LRIT3: variants seen among roughly 807,000 people sequenced by gnomAD.
LRIT3 encodes leucine rich repeat, Ig-like and transmembrane domains 3.
Under a neutral mutation model 22.6 loss-of-function variants are expected in LRIT3, and 14 were observed. The observed-to-expected ratio is 0.62, with a 90% CI of 0.41 to 0.97. The LOEUF (loss-of-function observed/expected upper bound fraction) is 0.97. LRIT3 is among the 50% of genes least tolerant of loss of function. The pLI, the probability that LRIT3 is intolerant of heterozygous loss-of-function variation, is 0.00. For synonymous variants in LRIT3, 306 were observed against 304.5 expected (o/e 1.01, Z -0.05); for missense variants, 783 against 803.0 (o/e 0.98, Z 0.30).
In LRIT3 at chr4:109,848,241, T is replaced by C; in HGVS notation, c.40T>C (p.Leu14=). ...ATGTCTGTGCATTGTCCTTAGCTTT[T>C]TGGAAGGAGTGGGCTGTTTGTGTCC... ...FACLCIVLSF[L]EGVGCLCPSQ... The change falls in exon 1 of 4, where the codon TTG becomes CTG. Residue 14 remains leucine (L), a synonymous_variant. Transcript: ENST00000594814. 2 of 1,232,086 alleles carry C rather than the reference T, an allele frequency of 1.6e-6. No individual in the cohort carries two copies. The highest frequency in any genetic ancestry group is 2.0e-6 in the Non-Finnish European group (2 of 987,904). 76.3% of individuals were successfully genotyped at this position (1,232,086 alleles called of 1,614,324 possible).
At chr4:109,848,412 C>A in intron 1 of LRIT3, 95 bp downstream of exon 1, 1 of 559,680 alleles carries the variant, frequency 1.8e-6, no homozygotes, top group Non-Finnish European at 2.7e-6. Context: ...GTTTGGGGAT[C>A]AGAAATCACA....
At chr4:109,859,420 A>G (rs1395185181) in intron 2 of LRIT3, among the ~76,000 whole-genome samples, 1 of 152,216 alleles carries the variant, frequency 6.6e-6, no homozygotes, top group African/African-American at 2.4e-5. Flanking sequence ...AATTTCTAAC[A>G]GAGCCTTAAA....
chr4:109,866,532 T>C (rs1294900237), intron 2 of LRIT3, among the ~76,000 whole-genome samples: 1 of 152,244 alleles, frequency 6.6e-6, no homozygotes, highest in African/African-American at 2.4e-5. Context: ...TCGATTCCTT[T>C]ATATTTAACA....
At chr4:109,852,555 T>A (rs1418843278) in intron 2 of LRIT3, among the ~76,000 whole-genome samples, 1 of 152,248 alleles carries the variant, frequency 6.6e-6, no homozygotes, top group African/African-American at 2.4e-5. Context: ...TTTTGGAATT[T>A]TGAACTTGGT....
chr4:109,861,174 G>A (rs1734535942), intron 2 of LRIT3, among the ~76,000 whole-genome samples: 1 of 152,086 alleles, frequency 6.6e-6, no homozygotes, highest in Admixed American at 6.6e-5. Flanking sequence ...TTTGAGACCA[G>A]CCTGGTCAAT....
intron 1 of LRIT3, 125 bp from the exon 2 acceptor site, chr4:109,851,379 T>G: frequency 1.4e-5 from 18 of 1,324,010 alleles, no homozygotes; most frequent in Non-Finnish European, 1.7e-5. Flanking sequence ...CCTCCCAAAG[T>G]GCTGGGATTA....
chr4:109,859,404 A>G (rs1734481688), intron 2 of LRIT3, among the ~76,000 whole-genome samples: 1 of 152,222 alleles, frequency 6.6e-6, no homozygotes. Context: ...TAGTGTGTGC[A>G]TCAGTAATTT....
chr4:109,851,444 T>G (rs1560589434), intron 1 of LRIT3, 60 bp from the exon 2 acceptor site: 2 of 1,462,030 alleles, frequency 1.4e-6, no homozygotes, highest in East Asian at 5.0e-5. Flanking sequence ...ATGAGAAGTA[T>G]TTTTTTCAAA....
At chr4:109,849,202 T>C (rs992066120) in intron 1 of LRIT3, among the ~76,000 whole-genome samples, 8 of 152,214 alleles carry the variant, frequency 5.3e-5, no homozygotes, top group African/African-American at 1.9e-4. Flanking sequence ...ATCTTGTTAT[T>C]GTATAAACTT....
At chr4:109,850,406 C>CCT (rs1734194103) in intron 1 of LRIT3, among the ~76,000 whole-genome samples, 4 of 1,474 alleles carry the variant, frequency 2.7e-3, no homozygotes, top group Admixed American at 0.013. Context: ...TTCCTTCCTT[C>CCT]CTTCCTTCCT....
At chr4:109,856,650 C>T (rs1048048353) in intron 2 of LRIT3, among the ~76,000 whole-genome samples, 7 of 152,154 alleles carry the variant, frequency 4.6e-5, no homozygotes, top group East Asian at 1.9e-4. Context: ...TATATTGGAA[C>T]GGAGCTATAC....
chr4:109,854,367 C>CTCA (rs1465577618), intron 2 of LRIT3, among the ~76,000 whole-genome samples: 1 of 152,152 alleles, frequency 6.6e-6, no homozygotes, highest in Non-Finnish European at 1.5e-5. Context: ...TGGGAATTCA[C>CTCA]TCATGATTTG....
In LRIT3 at chr4:109,867,761, G is replaced by A. The variant is rs150750727; in HGVS notation, c.710G>A (p.Arg237His). 1.1e-4 allele frequency: 178 copies of A among 1,614,114 alleles called. No individual in the cohort carries two copies. In the East Asian group the frequency reaches 1.7e-3, roughly 15 times the overall value. ...CTGATGACTTGCAGTGAACCTGAGC[G>A]CCTCACAGGAATTTTGTTTCAGCGG... ...DPLMTCSEPE[R>H]LTGILFQRAE... is the part of the protein sequence containing the mutation. Residue 237 changes from arginine to histidine, a missense_variant, in exon 3 of 4, where the codon CGC (arginine) becomes CAC (histidine). Transcript: ENST00000594814.
chr4:109,850,668 G>A (rs1734232250), intron 1 of LRIT3, among the ~76,000 whole-genome samples: 1 of 151,398 alleles, frequency 6.6e-6, no homozygotes. Context: ...GTGGAGTCGG[G>A]GTTTCGTCAT....
In LRIT3 at chr4:109,870,680, C is replaced by T; in HGVS notation, c.1931C>T (p.Thr644Ile). 1 of 1,614,094 alleles carries T rather than the reference C, an allele frequency of 6.2e-7. No individual in the cohort carries two copies. The highest frequency in any genetic ancestry group is 8.5e-7 in the Non-Finnish European group (1 of 1,179,990). The change falls in exon 4 of 4, where the codon ACA becomes ATA. Residue 644 changes from threonine (T) to isoleucine (I), a missense_variant. By Grantham distance (89) the Thr-to-Ile change is moderately conservative. This residue lies in a region of LRIT3 where 756 missense variants were observed against 753.8 expected (regional missense o/e 1.00). Coordinates refer to ENST00000594814, the MANE Select transcript of LRIT3 (RefSeq NM_198506.5). ...TCTCAAAGTGTAGGTGAGCTCTGGACACGAAGCCACAGGGATGACTCAGAG... is the reference window on the plus strand; with the variant it reads ...TCTCAAAGTGTAGGTGAGCTCTGGATACGAAGCCACAGGGATGACTCAGAG... Reference protein sequence around the residue: ...PRSQSVGELWTRSHRDDSEKL... With the variant: ...PRSQSVGELWIRSHRDDSEKL...
chr4:109,851,409 A>C, intron 1 of LRIT3, 95 bp from the exon 2 acceptor site: 1 of 1,449,364 alleles, frequency 6.9e-7, no homozygotes, highest in Non-Finnish European at 9.1e-7. Flanking sequence ...GCCACTGCCC[A>C]GCTGAAAATT....
In LRIT3 at chr4:109,870,172, T is replaced by C; in HGVS notation, c.1423T>C (p.Leu475=). The C allele has an allele frequency of 6.2e-7, 1 of 1,614,214 alleles. No individual in the cohort carries two copies. Among genetic ancestry groups the C allele is most frequent in the Non-Finnish European group, 8.5e-7 (1 of 1,180,032 alleles). ...STSKKEELAL[L]DQTMLTETNA... The stretch of plus-strand genomic sequence containing the variant: ...AAGTAAGAAAGAAGAGCTGGCATTG[T>C]TGGATCAAACAATGCTTACGGAGAC... Residue 475 remains leucine (L), a synonymous_variant, in exon 4 of 4, where the codon TTG becomes CTG. Transcript: ENST00000594814.
intron 2 of LRIT3, among the ~76,000 whole-genome samples, chr4:109,866,573 A>G (rs911384902): frequency 2.0e-5 from 3 of 152,082 alleles, no homozygotes; most frequent in African/African-American, 7.2e-5. Context: ...TCTCCTTTAT[A>G]TTTTATTACC....
chr4:109,862,807 C>T (rs1042089082), intron 2 of LRIT3, among the ~76,000 whole-genome samples: 2 of 152,178 alleles, frequency 1.3e-5, no homozygotes, highest in Non-Finnish European at 2.9e-5. Context: ...ACTCAGCCTC[C>T]TGGTAGCTGG....
Sources: allele counts gnomAD v4.1 joint callset (sites outside exome capture counted in the v4.1 genomes callset), GRCh38; gene constraint gnomAD v4.1.1; regional missense constraint gnomAD v4.1.1; transcripts MANE v1.5; gene names NCBI Gene and HGNC (gene_info 2026-07-23, HGNC 2026-07-21).